Variants in GPR132 observed in about 807,000 individuals in gnomAD.
GPR132 encodes the protein G protein-coupled receptor 132, also known as probable G protein-coupled receptor 132.
GPR132 carries 4 observed loss-of-function variants against 1.9 expected under a neutral mutation model. The observed-to-expected ratio is 2.13, with a 90% CI of 1.05 to 4.87. The LOEUF (loss-of-function observed/expected upper bound fraction) is 4.87. Among genes scored for constraint, GPR132 ranks in the 30% most tolerant of loss-of-function variants. The probability of loss-of-function intolerance (pLI) is 0.01; values close to 1 mark genes in which losing one functional copy is unlikely to be tolerated. For synonymous variants in GPR132, 233 were observed against 234.2 expected, an observed-to-expected ratio of 0.99 and a Z score of 0.05; for missense variants, 404 against 512.5, an observed-to-expected ratio of 0.79 and a Z score of 2.04.
rs146463298 is a variant in GPR132, at chr14:105,051,511, G to A, written c.626C>T (p.Ala209Val). Residue 209 changes from alanine to valine, a missense_variant, in exon 4 of 4, where the codon GCC becomes GTC. By Grantham distance (64) the Ala-to-Val change is moderately conservative. Transcript: ENST00000329797. This position sits in a 1 kb window ranked among gnomAD's most constrained non-coding sequence, Gnocchi z 8.0. ...YYYARFTVGF[A>V]IPLSIIAFTN... ...GAAGGCGATGATGGAGAGAGGGATG[G>A]CAAAGCCAACGGTGAACCTGGCGTA... The A allele has an allele frequency of 1.4e-4, 227 of 1,613,988 alleles. No individual in the cohort carries two copies. The African/African-American group carries it at 2.9e-3, about 20-fold the overall frequency.
At chr14:105,064,929 C>T (rs941297145) in intron 1 of GPR132, among the ~76,000 whole-genome samples, 3 of 152,108 alleles carry the variant, frequency 2.0e-5, no homozygotes, top group African/African-American at 7.2e-5. Context: ...CCCTGCTTTT[C>T]CCTCTGTGTA....
intron 1 of GPR132, among the ~76,000 whole-genome samples, chr14:105,058,618 T>C (rs1328329523): frequency 1.3e-5 from 2 of 152,270 alleles, no homozygotes; most frequent in African/African-American, 4.8e-5. Context: ...TGCTCTACTT[T>C]TGACCTGGCT....
Position 105,053,767 on chromosome 14 carries a change from G to A in GPR132, c.34+1620C>T, listed in dbSNP as rs148883232. ...GACATGTAGATATGGCAGGTTACACGGGAAAGGGGAACTAAGGTTGCAAGT... is the reference window on the plus strand; with the variant it reads ...GACATGTAGATATGGCAGGTTACACAGGAAAGGGGAACTAAGGTTGCAAGT... On this transcript the variant is annotated intron_variant, in intron 3 of 3. Coordinates refer to ENST00000329797, the MANE Select transcript of GPR132 (RefSeq NM_013345.4). 3.1e-3 allele frequency among the ~76,000 whole-genome samples: 476 copies of A among 152,096 alleles called. 3 individuals are homozygous for A. The highest frequency in any genetic ancestry group is 0.011 in the African/African-American group (458 of 41,482).
At chr14:105,052,489 G>A (rs1228974491) in intron 3 of GPR132, among the ~76,000 whole-genome samples, 5 of 151,916 alleles carry the variant, frequency 3.3e-5, no homozygotes, top group African/African-American at 1.2e-4. Context: ...CACCATGCCT[G>A]GCTAATTTTT....
At chr14:105,063,669 G>T (rs182064838) in intron 1 of GPR132, among the ~76,000 whole-genome samples, 1,613 of 150,926 alleles carry the variant, frequency 0.011, 13 homozygotes, top group Non-Finnish European at 0.017. Context: ...GAGCCACCAC[G>T]CCCAGCCTGT....
At chr14:105,052,270 C>A (rs1220464313) in intron 3 of GPR132, among the ~76,000 whole-genome samples, 168 bp from the exon 4 acceptor site, 1 of 152,230 alleles carries the variant, frequency 6.6e-6, no homozygotes, top group East Asian at 1.9e-4. Context: ...GATAGTGGAT[C>A]TCCAACCTAG....
intron 1 of GPR132, among the ~76,000 whole-genome samples, chr14:105,057,687 A>ATTT (rs569000530): frequency 3.0e-5 from 3 of 100,408 alleles, no homozygotes; most frequent in South Asian, 3.0e-4. Context: ...CCCCCAGCTA[A>ATTT]TTTTTTTTTT....
At chr14:105,063,430 A>C (rs867565612) in intron 1 of GPR132, among the ~76,000 whole-genome samples, 4 of 151,322 alleles carry the variant, frequency 2.6e-5, no homozygotes, top group Admixed American at 6.6e-5. Context: ...GCTGGAGTGC[A>C]ATAGCACGAT....
intron 1 of GPR132, among the ~76,000 whole-genome samples, chr14:105,061,738 C>A (rs1037454169): frequency 6.6e-6 from 1 of 152,098 alleles, no homozygotes; most frequent in South Asian, 2.1e-4. Flanking sequence ...AGGCACCACC[C>A]TCCTGGGGGG....
rs1360773434 is a variant in GPR132 at position 105,056,450 on chromosome 14, A to C, written c.-746-284T>G. 1.3e-5 allele frequency among the ~76,000 whole-genome samples: 2 copies of C among 152,162 alleles called. No homozygotes were observed. The highest frequency in any genetic ancestry group is 2.4e-5 in the African/African-American group (1 of 41,436). On this transcript the variant is annotated intron_variant, in intron 2 of 3. Coordinates refer to ENST00000329797, the MANE Select transcript of GPR132 (RefSeq NM_013345.4). The surrounding 1 kb of genome is among the most constrained non-coding windows in gnomAD (Gnocchi z 6.0). Reference sequence around the variant, plus strand: ...GACAATCACAGGCCCTGGGAGGCAGAGCCAGAATCCAAAACACAAGGGGAG... The same window carrying C: ...GACAATCACAGGCCCTGGGAGGCAGCGCCAGAATCCAAAACACAAGGGGAG...
In GPR132 at chr14:105,059,761, C is replaced by T. The variant is rs892600966; in HGVS notation, c.-860-2481G>A. ...ATCAGGACTTCCTGAGGCTGTGTCA[C>T]AGACGCGTGTCCTCAACTTTAGCAA... On this transcript the variant is annotated intron_variant, in intron 1 of 3. Transcript: ENST00000329797. This position sits in a 1 kb window ranked among gnomAD's most constrained non-coding sequence, Gnocchi z 4.2. Among the ~76,000 whole-genome samples, 1 of 152,222 alleles carries T rather than the reference C, an allele frequency of 6.6e-6. No individual in the cohort carries two copies. Among genetic ancestry groups the T allele is most frequent in the Non-Finnish European group, 1.5e-5 (1 of 68,026 alleles).
Position 105,051,822 on chromosome 14 carries a change from C to T in GPR132, c.315G>A (p.Gln105=), listed in dbSNP as rs533792188. The T allele has an allele frequency of 6.2e-7, 1 of 1,614,130 alleles. No homozygotes were observed. The highest frequency in any genetic ancestry group is 1.1e-5 in the South Asian group (1 of 91,090). ...CCAGCAGGCCTAGGGTCCAGCGGTG[C>T]TGGTTGCGGATATAGATGACCCAGA... The part of the protein sequence containing the change: ...LPLWVIYIRN[Q]HRWTLGLLAC... The change falls in exon 4 of 4, where the codon CAG becomes CAA. Residue 105 remains glutamine (Q), a synonymous_variant. Coordinates refer to ENST00000329797, the MANE Select transcript of GPR132 (RefSeq NM_013345.4). The surrounding 1 kb of genome is among the most constrained non-coding windows in gnomAD (Gnocchi z 8.0).
intron 1 of GPR132, among the ~76,000 whole-genome samples, chr14:105,064,251 G>A (rs761381807): frequency 3.9e-5 from 6 of 152,218 alleles, no homozygotes; most frequent in Middle Eastern, 3.4e-3. Context: ...CTTTTCTGCC[G>A]TCACGTTTGA....
At chr14:105,061,182 C>T (rs1017538703) in intron 1 of GPR132, among the ~76,000 whole-genome samples, 4 of 152,266 alleles carry the variant, frequency 2.6e-5, no homozygotes, top group Admixed American at 2.0e-4. Flanking sequence ...CCGACTCCCT[C>T]GCACCGAGGT....
chr14:105,063,322 C>T (rs186813673), intron 1 of GPR132, among the ~76,000 whole-genome samples: 268 of 152,084 alleles, frequency 1.8e-3, no homozygotes, highest in South Asian at 2.9e-3. Context: ...GTCCCTGGAG[C>T]TCTCTGGCCT....
At position 105,060,395 on chromosome 14, in the gene GPR132, GTCCTGT is replaced by G. The variant is rs1234131657; in HGVS notation, c.-860-3121_-860-3116del. The stretch of plus-strand genomic sequence containing the variant: ...GGCATGTCAGAGCCACCTGAGACCA[GTCCTGT>G]TCCTTCTGAGCCCCGGGGGTGTGGG... On this transcript the variant is annotated intron_variant, in intron 1 of 3. Coordinates refer to ENST00000329797, the MANE Select transcript of GPR132 (RefSeq NM_013345.4). This position sits in a 1 kb window ranked among gnomAD's most constrained non-coding sequence, Gnocchi z 6.3. 6.6e-6 allele frequency among the ~76,000 whole-genome samples: 1 copy of G among 152,194 alleles called. No homozygotes were observed. The highest frequency in any genetic ancestry group is 1.5e-5 in the Non-Finnish European group (1 of 68,018).
At position 105,057,283 on chromosome 14, in the gene GPR132, G is replaced by A; in HGVS notation, c.-860-3C>T. ...TCACTCTGAGAGTTTAAAATGACCTGGAAAAAGAGTAGGTTGAAATTGTTT... is the reference window on the plus strand; with the variant it reads ...TCACTCTGAGAGTTTAAAATGACCTAGAAAAAGAGTAGGTTGAAATTGTTT... On this transcript the variant is annotated splice_polypyrimidine_tract_variant and splice_region_variant and intron_variant, in intron 1 of 3. Coordinates refer to ENST00000329797, the MANE Select transcript of GPR132 (RefSeq NM_013345.4). 4.0e-6 allele frequency: 3 copies of A among 754,622 alleles called. No homozygotes were observed. Among genetic ancestry groups the A allele is most frequent in the Admixed American group, 2.3e-5 (1 of 43,416 alleles). The allele number at this position is 754,622 out of a possible 1,614,324, so 46.7% of individuals were successfully genotyped here.
In GPR132 at chr14:105,051,041, G is replaced by T. The variant is rs748130577; in HGVS notation, c.1096C>A (p.Pro366Thr). 18 of 1,613,922 alleles carry T rather than the reference G, an allele frequency of 1.1e-5. No homozygotes were observed. Among genetic ancestry groups the T allele is most frequent in the Non-Finnish European group, 1.3e-5 (15 of 1,179,906 alleles). The change falls in exon 4 of 4, where the codon CCA (proline) becomes ACA (threonine). Residue 366 changes from proline to threonine, a missense_variant. Transcript: ENST00000329797. This position sits in a 1 kb window ranked among gnomAD's most constrained non-coding sequence, Gnocchi z 8.0. ...CTCTTTGCAGGGCATGGTGACCCTG[G>T]TGGGTGCACGGGCCTGGAGAAGGTG... The part of the protein sequence containing the change: ...HYTFSRPVHP[P>T]GSPCPAKRLI...
Position 105,057,274 on chromosome 14 carries a change from A to G in GPR132, c.-854T>C. Reference sequence around the variant, plus strand: ...TCAAGACGTTCACTCTGAGAGTTTAAAATGACCTGGAAAAAGAGTAGGTTG... The same window carrying G: ...TCAAGACGTTCACTCTGAGAGTTTAGAATGACCTGGAAAAAGAGTAGGTTG... On this transcript the variant is annotated 5_prime_UTR_variant, in exon 2 of 4. Transcript: ENST00000329797. 1.1e-5 allele frequency: 9 copies of G among 802,996 alleles called. No homozygotes were observed. Among genetic ancestry groups the G allele is most frequent in the Non-Finnish European group, 1.8e-5 (9 of 487,904 alleles). 49.7% of individuals were successfully genotyped at this position (802,996 alleles called of 1,614,324 possible).
Sources: allele counts gnomAD v4.1 joint callset (sites outside exome capture counted in the v4.1 genomes callset), GRCh38; gene constraint gnomAD v4.1.1; non-coding constraint Gnocchi (gnomAD v3.1); transcripts MANE v1.5; gene names NCBI Gene and HGNC (gene_info 2026-07-23, HGNC 2026-07-21).